The following KIF6 variants were observed in gnomAD, a reference collection of about 807,000 sequenced individuals.
The protein encoded by KIF6 is kinesin-like protein KIF6.
In KIF6, 106 loss-of-function variants were observed where a neutral mutation model predicts 112.7. The observed-to-expected ratio is 0.94, with a 90% CI of 0.80 to 1.11. The LOEUF is 1.11. Among genes scored for constraint, KIF6 ranks in the 50% least tolerant of loss-of-function variants. The pLI, the probability that KIF6 is intolerant of heterozygous loss-of-function variation, is 0.00. For missense variants in KIF6, 929 were observed against 964.0 expected (o/e 0.96, Z 0.48); for synonymous variants, 339 against 339.9 (o/e 1.00, Z 0.03).
intron 16 of KIF6, among the ~76,000 whole-genome samples, chr6:39,384,112 C>T (rs1767202573): frequency 6.6e-6 from 1 of 152,172 alleles, no homozygotes; most frequent in Non-Finnish European, 1.5e-5. Flanking sequence ...GACTTCTCTT[C>T]TGTTTGGATG....
At chr6:39,423,032 G>T (rs968131498) in intron 14 of KIF6, among the ~76,000 whole-genome samples, 1 of 152,220 alleles carries the variant, frequency 6.6e-6, no homozygotes, top group Admixed American at 6.5e-5. Context: ...GCGCCCGAGG[G>T]TTTCTTTCTA....
intron 3 of KIF6, among the ~76,000 whole-genome samples, chr6:39,654,572 A>G (rs913707887): frequency 3.9e-5 from 6 of 152,238 alleles, no homozygotes; most frequent in African/African-American, 1.4e-4. Context: ...TTTTGATTAT[A>G]CAAGTAATTC....
At chr6:39,494,575 C>A (rs949634493) in intron 13 of KIF6, among the ~76,000 whole-genome samples, 1 of 152,038 alleles carries the variant, frequency 6.6e-6, no homozygotes, top group Non-Finnish European at 1.5e-5. Flanking sequence ...AAATCAATGC[C>A]TCTAGAATTC....
Position 39,360,381 on chromosome 6 carries a change from T to C in KIF6, c.2082+14A>G, listed in dbSNP as rs200668834. 1 of 1,613,876 alleles carries C rather than the reference T, an allele frequency of 6.2e-7. No homozygotes were observed. Among genetic ancestry groups the C allele is most frequent in the East Asian group, 2.2e-5 (1 of 44,868 alleles). Reference sequence around the variant, plus strand: ...GGCCCCTCCCCAGCTTCCCTGATGTTCCCCAGGCCATACCTGCAGGTTGGT... The same window carrying C: ...GGCCCCTCCCCAGCTTCCCTGATGTCCCCCAGGCCATACCTGCAGGTTGGT... On this transcript the variant is annotated intron_variant, in intron 18 of 22. Coordinates refer to ENST00000287152, the MANE Select transcript of KIF6 (RefSeq NM_145027.6).
intron 6 of KIF6, among the ~76,000 whole-genome samples, chr6:39,597,946 A>C (rs1487837078): frequency 6.6e-6 from 1 of 152,146 alleles, no homozygotes; most frequent in Non-Finnish European, 1.5e-5. Context: ...TAGATAGATC[A>C]CTTGAGGTCA....
intron 13 of KIF6, among the ~76,000 whole-genome samples, chr6:39,434,683 G>A (rs1297729829): frequency 6.6e-6 from 1 of 152,088 alleles, no homozygotes; most frequent in Non-Finnish European, 1.5e-5. Flanking sequence ...TCCAGCATGC[G>A]GGAGAGGGAG....
At chr6:39,490,709 T>C (rs1775430771) in intron 13 of KIF6, among the ~76,000 whole-genome samples, 1 of 152,058 alleles carries the variant, frequency 6.6e-6, no homozygotes, top group Non-Finnish European at 1.5e-5. Flanking sequence ...CTGTGGTTTA[T>C]AAAATATCAA....
chr6:39,526,509 G>C (rs1341510474), intron 13 of KIF6, among the ~76,000 whole-genome samples: 1 of 152,030 alleles, frequency 6.6e-6, no homozygotes, highest in Non-Finnish European at 1.5e-5. Context: ...GACCTTAATG[G>C]GATCACAAAG....
chr6:39,373,172 C>G (rs1020553956), intron 16 of KIF6, among the ~76,000 whole-genome samples: 23 of 152,332 alleles, frequency 1.5e-4, no homozygotes, highest in African/African-American at 5.1e-4. Context: ...TTGCTCAAAG[C>G]AGCAGCCATG....
At chr6:39,716,285 A>ACTAAAATGTAATTTTGGTAT in intron 2 of KIF6, among the ~76,000 whole-genome samples, 1 of 151,928 alleles carries the variant, frequency 6.6e-6, no homozygotes, top group Middle Eastern at 3.4e-3. Context: ...TTTAAATTAA[A>ACTAAAATGTAATTTTGGTAT]AATATCTATA....
At position 39,354,234 on chromosome 6, in the gene KIF6, T is replaced by G. The variant is rs11968557; in HGVS notation, c.2180+3043A>C. ...GCCCTTGCAGGGTACACAGACCAGG[T>G]TTTTAAGCCCCCATCTTGTTCAGCA... On this transcript the variant is annotated intron_variant, in intron 19 of 22. Transcript: ENST00000287152. 3.3e-3 allele frequency: 786 copies of G among 238,210 alleles called. 8 individuals are homozygous for G. The highest frequency in any genetic ancestry group is 0.016 in the African/African-American group (710 of 43,690). The allele number at this position is 238,210 out of a possible 1,614,324, so 14.8% of individuals were successfully genotyped here.
chr6:39,478,145 C>T (rs888410181), intron 13 of KIF6, among the ~76,000 whole-genome samples: 10 of 152,058 alleles, frequency 6.6e-5, no homozygotes, highest in African/African-American at 2.4e-4. Context: ...CACCCATCAC[C>T]CTAGCAGTAT....
intron 10 of KIF6, among the ~76,000 whole-genome samples, chr6:39,575,183 C>G (rs1307617858): frequency 2.0e-5 from 3 of 152,142 alleles, no homozygotes; most frequent in African/African-American, 7.2e-5. Context: ...ATGGGCTCAT[C>G]TTTCCTGGAC....
chr6:39,586,437 T>G (rs1781646423), intron 7 of KIF6, 33 bp from the exon 8 acceptor site: 2 of 1,596,300 alleles, frequency 1.3e-6, no homozygotes, highest in Non-Finnish European at 1.7e-6. Context: ...TGGGATTAAT[T>G]TAGCAAGAAA....
Position 39,342,862 on chromosome 6 carries a change from T to C in KIF6, c.2428+847A>G. ...TCTTCCTGCCCAAACTGCACACGGCTGGTGGAGAAGCTGAGTGCAGGCGCC... is the reference window on the plus strand; with the variant it reads ...TCTTCCTGCCCAAACTGCACACGGCCGGTGGAGAAGCTGAGTGCAGGCGCC... On this transcript the variant is annotated intron_variant, in intron 22 of 22. Transcript: ENST00000287152. The surrounding 1 kb of genome is among the most constrained non-coding windows in gnomAD (Gnocchi z 4.7). 1.0e-6 allele frequency: 1 copy of C among 985,308 alleles called. No homozygotes were observed. The highest frequency in any genetic ancestry group is 1.2e-6 in the Non-Finnish European group (1 of 829,910). 61.0% of individuals were successfully genotyped at this position (985,308 alleles called of 1,614,324 possible).
chr6:39,443,148 A>G (rs1562221423), intron 13 of KIF6, among the ~76,000 whole-genome samples: 1 of 139,094 alleles, frequency 7.2e-6, no homozygotes, highest in East Asian at 2.1e-4. Context: ...TAATAATAAT[A>G]ATAATAATAA....
intron 15 of KIF6, among the ~76,000 whole-genome samples, chr6:39,410,319 A>G (rs1256419922): frequency 5.3e-5 from 8 of 152,370 alleles, no homozygotes; most frequent in African/African-American, 1.9e-4. Flanking sequence ...AAAATGTGAA[A>G]TGACTCTCCC....
chr6:39,373,150 C>G (rs556839486), intron 16 of KIF6, among the ~76,000 whole-genome samples: 13 of 152,322 alleles, frequency 8.5e-5, no homozygotes, highest in African/African-American at 3.1e-4. Flanking sequence ...TATGTTTGGT[C>G]AAATGCCTAA....
chr6:39,531,503 T>A (rs1479697722), intron 13 of KIF6, among the ~76,000 whole-genome samples: 1 of 152,148 alleles, frequency 6.6e-6, no homozygotes, highest in Non-Finnish European at 1.5e-5. Context: ...TACAATAGTG[T>A]GTGCCTTTGG....
Sources: allele counts gnomAD v4.1 joint callset (sites outside exome capture counted in the v4.1 genomes callset), GRCh38; gene constraint gnomAD v4.1.1; non-coding constraint Gnocchi (gnomAD v3.1); transcripts MANE v1.5; gene names NCBI Gene and HGNC (gene_info 2026-07-23, HGNC 2026-07-21).